The following USP8 variants were observed in gnomAD, a reference collection of about 807,000 sequenced individuals.
The protein encoded by USP8 is ubiquitin specific peptidase 8, also known as ubiquitin carboxyl-terminal hydrolase 8.
A neutral mutation model predicts 130.0 loss-of-function variants in USP8; 27 were observed. The observed-to-expected ratio is 0.21, with a 90% confidence interval of 0.15 to 0.29. The LOEUF (loss-of-function observed/expected upper bound fraction) is 0.29. Ranked by LOEUF, USP8 falls within the 10% of genes least tolerant of loss-of-function variation. The pLI is 1.00. For missense variants in USP8, 1,029 were observed against 1,312.2 expected, an observed-to-expected ratio of 0.78 and a Z score of 3.33; for synonymous variants, 392 against 444.1, an observed-to-expected ratio of 0.88 and a Z score of 1.48.
chr15:50,440,130 G>A (rs1376807078), intron 2 of USP8, among the ~76,000 whole-genome samples: 1 of 152,116 alleles, frequency 6.6e-6, no homozygotes, highest in East Asian at 1.9e-4. Context: ...GAGAGGGATT[G>A]GGCTATTTAT....
intron 3 of USP8, among the ~76,000 whole-genome samples, chr15:50,447,749 A>AT (rs11365548): frequency 2.0e-4 from 29 of 147,326 alleles, no homozygotes; most frequent in African/African-American, 7.0e-4. Context: ...TTTTACGCTT[A>AT]TTTTTTTTTT....
At chr15:50,435,278 T>C (rs1214486160) in intron 1 of USP8, among the ~76,000 whole-genome samples, 1 of 152,214 alleles carries the variant, frequency 6.6e-6, no homozygotes, top group Admixed American at 6.5e-5. Context: ...ATTGGGAATA[T>C]TTTAAAAAAA....
chr15:50,495,797 A>G lies in USP8; in HGVS notation c.2659-51A>G, dbSNP rs1023964901. ...GTATTCACTTTTATTCTTTCAATTT[A>G]AATGTTTTCTTTGAGATATTAATAT... On this transcript the variant is annotated intron_variant, in intron 16 of 19. Transcript: ENST00000307179. 8 of 1,398,280 alleles carry G rather than the reference A, an allele frequency of 5.7e-6. No individual in the cohort carries two copies. In the East Asian group the frequency reaches 9.5e-5, roughly 17 times the overall value. The allele number at this position is 1,398,280 out of a possible 1,614,324, so 86.6% of individuals were successfully genotyped here. A position where few individuals can be genotyped will look rare whatever the true frequency, so the allele number is the denominator to read the frequency against.
rs1278966365 is a variant in USP8 at position 50,465,057 on chromosome 15, A to G, written c.552A>G (p.Thr184=). The change falls in exon 7 of 20, where the codon ACA becomes ACG. Residue 184 remains threonine, a synonymous_variant. Coordinates refer to ENST00000307179, the MANE Select transcript of USP8 (RefSeq NM_005154.5). ...KCETKEKGAI[T]AKELYTMMTD... is the part of the protein sequence containing the mutation. ...TCTCTCAATTCCAAGGAGCAATCACAGCAAAGGAACTATACACAATGATGA... is the reference window on the plus strand; with the variant it reads ...TCTCTCAATTCCAAGGAGCAATCACGGCAAAGGAACTATACACAATGATGA... 6.2e-7 allele frequency: 1 copy of G among 1,613,932 alleles called. No homozygotes were observed. Among genetic ancestry groups the G allele is most frequent in the South Asian group, 1.1e-5 (1 of 91,038 alleles).
At chr15:50,476,105 T>C (rs2051558616) in intron 8 of USP8, among the ~76,000 whole-genome samples, 1 of 152,168 alleles carries the variant, frequency 6.6e-6, no homozygotes, top group Non-Finnish European at 1.5e-5. Context: ...ACCCAAATGT[T>C]CAAACGATTG....
At chr15:50,451,843 T>C (rs2050637755) in intron 4 of USP8, among the ~76,000 whole-genome samples, 1 of 152,248 alleles carries the variant, frequency 6.6e-6, no homozygotes, top group African/African-American at 2.4e-5. Context: ...AGTCTGAGAA[T>C]GGGCATGAGG....
intron 3 of USP8, among the ~76,000 whole-genome samples, chr15:50,445,130 G>A (rs1429156627): frequency 1.3e-5 from 2 of 152,084 alleles, no homozygotes; most frequent in Non-Finnish European, 2.9e-5. Context: ...GCTATGTGAG[G>A]TGCTAAATTT....
chr15:50,479,988 T>A (rs1195786320), intron 10 of USP8, among the ~76,000 whole-genome samples: 1 of 152,154 alleles, frequency 6.6e-6, no homozygotes, highest in Non-Finnish European at 1.5e-5. Flanking sequence ...CTCGAACTCC[T>A]GGCCTCAAGT....
At chr15:50,459,393 G>A (rs1180340086) in intron 5 of USP8, among the ~76,000 whole-genome samples, 3 of 152,094 alleles carry the variant, frequency 2.0e-5, no homozygotes, top group South Asian at 2.1e-4. Context: ...AAACCAGCCC[G>A]GCCAACATAG....
rs2051604462 is a variant in USP8 at position 50,477,419 on chromosome 15, C to A, written c.1138C>A (p.Pro380Thr). 6.2e-7 allele frequency: 1 copy of A among 1,614,010 alleles called. No homozygotes were observed. Among genetic ancestry groups the A allele is most frequent in the South Asian group, 1.1e-5 (1 of 91,084 alleles). ...AATGGGACCACTGAATATATCAACTCCAGTTGAACCAGTTGCTGCTTCTAA... is the reference window on the plus strand; with the variant it reads ...AATGGGACCACTGAATATATCAACTACAGTTGAACCAGTTGCTGCTTCTAA... ...ERMGPLNIST[P>T]VEPVAASKSD... The change falls in exon 10 of 20, where the codon CCA becomes ACA. Residue 380 changes from proline to threonine, a missense_variant. Coordinates refer to ENST00000307179, the MANE Select transcript of USP8 (RefSeq NM_005154.5).
In USP8 at chr15:50,477,412, A is replaced by G. The variant is rs1180408983; in HGVS notation, c.1131A>G (p.Ile377Met). The stretch of plus-strand genomic sequence containing the variant: ...ATGAGAGAATGGGACCACTGAATAT[A>G]TCAACTCCAGTTGAACCAGTTGCTG... ...GQNERMGPLN[I>M]STPVEPVAAS... The change falls in exon 10 of 20, where the codon ATA (isoleucine) becomes ATG (methionine). Residue 377 changes from isoleucine to methionine, a missense_variant. Ile to Met is a conservative substitution (Grantham distance 10). This residue lies in a region of USP8 where 486 missense variants were observed against 522.0 expected (regional missense o/e 0.93). Transcript: ENST00000307179. 2 of 1,614,082 alleles carry G rather than the reference A, an allele frequency of 1.2e-6. No individual in the cohort carries two copies. Among genetic ancestry groups the G allele is most frequent in the Non-Finnish European group, 1.7e-6 (2 of 1,180,040 alleles).
chr15:50,432,128 G>A lies in USP8; in HGVS notation c.-65-6881G>A, dbSNP rs1333753222. Among the ~76,000 whole-genome samples, 3 of 152,172 alleles carry A rather than the reference G, an allele frequency of 2.0e-5. 1 individual carries two copies. The highest frequency in any genetic ancestry group is 1.3e-4 in the Admixed American group (2 of 15,268). On this transcript the variant is annotated intron_variant, in intron 1 of 19. Transcript: ENST00000307179. ...AGGAATGATATAGATCACAAGCATT[G>A]TAGGATTCACATGAAGAAACAAATT... is the stretch of plus-strand genomic sequence containing the variant.
chr15:50,448,558 C>T (rs548992928), intron 3 of USP8, among the ~76,000 whole-genome samples: 1 of 150,654 alleles, frequency 6.6e-6, no homozygotes, highest in East Asian at 1.9e-4. Context: ...TTCGTTCTGT[C>T]GCCCAGGCTG....
intron 12 of USP8, among the ~76,000 whole-genome samples, chr15:50,487,428 T>G (rs2052006417): frequency 6.6e-6 from 1 of 152,028 alleles, no homozygotes; most frequent in South Asian, 2.1e-4. Context: ...TCTGTTCCTT[T>G]TAAAGAGAAA....
chr15:50,434,027 G>T (rs890899964), intron 1 of USP8, among the ~76,000 whole-genome samples: 1 of 151,732 alleles, frequency 6.6e-6, no homozygotes, highest in Admixed American at 6.6e-5. Flanking sequence ...ATTTTTTGTT[G>T]TTAGAAGCAT....
intron 2 of USP8, 76 bp downstream of exon 2, chr15:50,439,253 A>T: frequency 1.0e-6 from 1 of 954,672 alleles, no homozygotes; most frequent in Non-Finnish European, 1.5e-6. Context: ...AGTTAGATGA[A>T]TGTTAAAGTT....
intron 3 of USP8, among the ~76,000 whole-genome samples, chr15:50,446,378 AT>A (rs1471590058): frequency 8.0e-6 from 1 of 124,916 alleles, no homozygotes; most frequent in Non-Finnish European, 1.7e-5. Context: ...ACCATAAACA[AT>A]TTTTTGTGTT....
In USP8 at chr15:50,499,123, A is replaced by AG; in HGVS notation, c.*37dup. 2 of 1,536,230 alleles carry AG rather than the reference A, an allele frequency of 1.3e-6. No homozygotes were observed. Among genetic ancestry groups the AG allele is most frequent in the Non-Finnish European group, 8.8e-7 (1 of 1,142,792 alleles). The stretch of plus-strand genomic sequence containing the variant: ...GGTTATAAACTAGTTATCTTTTAAA[A>AG]GGCTCAGCAACACAACTCTTGAAAT... On this transcript the variant is annotated 3_prime_UTR_variant, in exon 20 of 20. Coordinates refer to ENST00000307179, the MANE Select transcript of USP8 (RefSeq NM_005154.5).
chr15:50,454,868 A>G (rs2050742466), intron 4 of USP8, among the ~76,000 whole-genome samples: 1 of 151,434 alleles, frequency 6.6e-6, no homozygotes, highest in South Asian at 2.1e-4. Flanking sequence ...GCATCCTCAA[A>G]CTCCTGGGCT....
Sources: allele counts gnomAD v4.1 joint callset (sites outside exome capture counted in the v4.1 genomes callset), GRCh38; gene constraint gnomAD v4.1.1; regional missense constraint gnomAD v4.1.1; transcripts MANE v1.5; gene names NCBI Gene and HGNC (gene_info 2026-07-23, HGNC 2026-07-21).